Variants in SAMMSON observed in about 807,000 individuals in gnomAD.
SAMMSON encodes the protein long intergenic non-protein coding RNA 1212.
chr3:70,434,358 A>G (rs1701441612), intron 2 of SAMMSON, among the ~76,000 whole-genome samples: 1 of 152,166 alleles, frequency 6.6e-6, no homozygotes, highest in African/African-American at 2.4e-5. Context: ...TGTTAGATTT[A>G]TATCTAAGTA....
chr3:70,213,097 C>A (rs563238770), intron 4 of SAMMSON, among the ~76,000 whole-genome samples: 1 of 152,146 alleles, frequency 6.6e-6, no homozygotes, highest in East Asian at 1.9e-4. Flanking sequence ...GCATGAGCCA[C>A]CATGTCTGGC....
At chr3:70,200,389 T>C (rs1453197784) in intron 4 of SAMMSON, among the ~76,000 whole-genome samples, 5 of 152,184 alleles carry the variant, frequency 3.3e-5, no homozygotes, top group Non-Finnish European at 5.9e-5. Context: ...CTGGACCTAC[T>C]TTACTTACTT....
chr3:70,177,651 A>G (rs952830628), intron 4 of SAMMSON, among the ~76,000 whole-genome samples: 2 of 152,192 alleles, frequency 1.3e-5, no homozygotes, highest in Non-Finnish European at 2.9e-5. Context: ...TTTACCTCGC[A>G]CTGGACAATA....
At chr3:70,129,990 C>A (rs2067475572) in intron 4 of SAMMSON, among the ~76,000 whole-genome samples, 1 of 152,026 alleles carries the variant, frequency 6.6e-6, no homozygotes, top group Non-Finnish European at 1.5e-5. Flanking sequence ...AGGGAAGTAA[C>A]CCTTTGTGTG....
intron 4 of SAMMSON, chr3:70,249,053 G>A (rs1701735069): frequency 6.6e-6 from 1 of 152,144 alleles, no homozygotes; most frequent in South Asian, 2.1e-4. Flanking sequence ...ATGAGGAAGT[G>A]GAGGTCCCTA....
At chr3:70,237,740 A>G (rs557208915) in intron 4 of SAMMSON, among the ~76,000 whole-genome samples, 7 of 152,342 alleles carry the variant, frequency 4.6e-5, no homozygotes, top group Admixed American at 3.3e-4. Context: ...ACATACCTCA[A>G]TGGGCTTTGA....
chr3:70,397,294 T>C (rs1701100186), intron 2 of SAMMSON, among the ~76,000 whole-genome samples: 1 of 152,110 alleles, frequency 6.6e-6, no homozygotes, highest in Admixed American at 6.6e-5. Flanking sequence ...TCTTCATAGG[T>C]TCCTCAATCT....
At chr3:70,142,504 A>G (rs1171228322) in intron 4 of SAMMSON, among the ~76,000 whole-genome samples, 3 of 152,114 alleles carry the variant, frequency 2.0e-5, no homozygotes, top group African/African-American at 7.2e-5. Context: ...CAAAGGCATA[A>G]GAATGACACA....
At chr3:70,397,914 TCTGA>T (rs564887853) in intron 2 of SAMMSON, among the ~76,000 whole-genome samples, 66 of 152,332 alleles carry the variant, frequency 4.3e-4, no homozygotes, top group Middle Eastern at 3.4e-3. Flanking sequence ...GCTTATTAAT[TCTGA>T]CTGTCTTAGC....
chr3:70,403,862 C>G (rs1036527594), intron 2 of SAMMSON, among the ~76,000 whole-genome samples: 2 of 151,926 alleles, frequency 1.3e-5, no homozygotes, highest in African/African-American at 4.8e-5. Flanking sequence ...TACTTATGAT[C>G]CTTATGTTTG....
chr3:70,045,744 C>T (rs1231964379), intron 3 of SAMMSON, among the ~76,000 whole-genome samples: 1 of 151,860 alleles, frequency 6.6e-6, no homozygotes, highest in South Asian at 2.1e-4. Context: ...AATATTAAAC[C>T]AAGTAATTTT....
At chr3:70,183,708 G>A (rs1701071309) in intron 4 of SAMMSON, 1 of 152,172 alleles carries the variant, frequency 6.6e-6, no homozygotes, top group South Asian at 2.1e-4. Flanking sequence ...TCATCACATA[G>A]TGGCATCATG....
chr3:70,364,383 T>C (rs1702902431), intron 9 of SAMMSON, among the ~76,000 whole-genome samples: 2 of 152,068 alleles, frequency 1.3e-5, no homozygotes, highest in South Asian at 4.1e-4. Context: ...ACACTTTACT[T>C]CCTTGAGTAT....
At chr3:70,240,998 A>G (rs920571976) in intron 4 of SAMMSON, among the ~76,000 whole-genome samples, 2 of 152,160 alleles carry the variant, frequency 1.3e-5, no homozygotes, top group Non-Finnish European at 2.9e-5. Flanking sequence ...AGTCAAGGAT[A>G]TTCATTTTTT....
intron 4 of SAMMSON, among the ~76,000 whole-genome samples, chr3:70,219,745 G>A (rs764250527): frequency 3.5e-4 from 54 of 152,220 alleles, no homozygotes; most frequent in Admixed American, 1.8e-3. Flanking sequence ...GTAACACAGA[G>A]ATTAAGAGCA....
At chr3:70,194,910 G>A (rs977906498) in intron 4 of SAMMSON, among the ~76,000 whole-genome samples, 1 of 152,144 alleles carries the variant, frequency 6.6e-6, no homozygotes, top group African/African-American at 2.4e-5. Context: ...TCAGAGAGGA[G>A]CCAAGAGGGA....
intron 7 of SAMMSON, among the ~76,000 whole-genome samples, chr3:70,320,450 T>A (rs2106716562): frequency 2.0e-5 from 3 of 152,130 alleles, no homozygotes; most frequent in Middle Eastern, 6.8e-3. Context: ...AAATGTGGGG[T>A]CAAATGCTAA....
In SAMMSON at chr3:70,077,554, T is replaced by C. The variant is rs541086173; in HGVS notation, n.507+5989T>C. 7.9e-5 allele frequency among the ~76,000 whole-genome samples: 12 copies of C among 152,334 alleles called. 1 individual carries two copies. The South Asian group carries it at 2.5e-3, about 32-fold the overall frequency. Reference sequence around the variant, plus strand: ...AGCTACTAAGTTTGGTGATAGATTTTTGAGTGTCTGTTTTATTATGATAGT... The same window carrying C: ...AGCTACTAAGTTTGGTGATAGATTTCTGAGTGTCTGTTTTATTATGATAGT... On this transcript the variant is annotated intron_variant and non_coding_transcript_variant, in intron 4 of 9. Transcript: ENST00000642114.
intron 7 of SAMMSON, among the ~76,000 whole-genome samples, chr3:70,327,369 C>T (rs1702587546): frequency 6.6e-6 from 1 of 152,132 alleles, no homozygotes; most frequent in Non-Finnish European, 1.5e-5. Flanking sequence ...GGAAGGAAAA[C>T]AAGAGGAACT....
Sources: gnomAD v4.1 joint callset for allele counts (sites outside exome capture counted in the v4.1 genomes callset) on GRCh38, gnomAD v4.1.1 for gene constraint, MANE v1.5 for transcripts, NCBI Gene and HGNC (gene_info 2026-07-23, HGNC 2026-07-21) for gene names.